Variants in PADI4 observed in about 807,000 individuals in gnomAD.
PADI4 encodes peptidyl arginine deiminase 4, also known as protein-arginine deiminase type-4.
PADI4 carries 62 observed loss-of-function variants against 75.0 expected under a neutral mutation model. That is an observed-to-expected ratio of 0.83 (90% CI 0.67 to 1.02). The LOEUF (loss-of-function observed/expected upper bound fraction) is 1.02, where lower values mean the gene tolerates loss of function less well. Among genes scored for constraint, PADI4 ranks in the 50% least tolerant of loss-of-function variants. The pLI is 0.00. For missense variants in PADI4, 845 were observed against 850.5 expected (o/e 0.99, Z 0.08); for synonymous variants, 361 against 348.1 (o/e 1.04, Z -0.41).
At chr1:17,359,198 G>A in intron 14 of PADI4, 82 bp from the exon 15 acceptor site, 2 of 1,016,212 alleles carry the variant, frequency 2.0e-6, no homozygotes, top group South Asian at 2.9e-5. Flanking sequence ...CTCCGGCAGG[G>A]GGCCTCAGCC....
chr1:17,336,522 C>T (rs890404600), intron 4 of PADI4, among the ~76,000 whole-genome samples: 1 of 152,110 alleles, frequency 6.6e-6, no homozygotes, highest in Non-Finnish European at 1.5e-5. Flanking sequence ...TCGACTCTGG[C>T]TCAAAAACTC....
chr1:17,359,514 G>C, intron 15 of PADI4, 106 bp downstream of exon 15: 3 of 1,462,610 alleles, frequency 2.1e-6, no homozygotes, highest in East Asian at 2.3e-5. Context: ...GCTCCTCTCT[G>C]TAACCGTTTG....
chr1:17,324,655 T>C (rs2074090275), intron 1 of PADI4, among the ~76,000 whole-genome samples: 1 of 152,102 alleles, frequency 6.6e-6, no homozygotes, highest in Non-Finnish European at 1.5e-5. Context: ...CTAGTTGAAT[T>C]TTTTGATCTT....
intron 10 of PADI4, among the ~76,000 whole-genome samples, chr1:17,352,040 A>T (rs2074654833): frequency 5.0e-5 from 4 of 80,432 alleles, no homozygotes; most frequent in Admixed American, 1.3e-4. Context: ...TGATGGGAGG[A>T]GAGGCAGTCA....
At chr1:17,337,105 T>C (rs2100722496) in intron 4 of PADI4, among the ~76,000 whole-genome samples, 1 of 152,326 alleles carries the variant, frequency 6.6e-6, no homozygotes, top group East Asian at 1.9e-4. Context: ...TTAGCTGCAT[T>C]TGGTTTGTCA....
At chr1:17,359,513 T>C (rs2100258450) in intron 15 of PADI4, 105 bp downstream of exon 15, 1 of 1,459,334 alleles carries the variant, frequency 6.9e-7, no homozygotes, top group East Asian at 2.3e-5. Flanking sequence ...GGCTCCTCTC[T>C]GTAACCGTTT....
intron 13 of PADI4, 40 bp from the exon 14 acceptor site, chr1:17,358,798 C>T (rs769853026): frequency 2.1e-6 from 3 of 1,412,522 alleles, no homozygotes; most frequent in Admixed American, 1.9e-5. Flanking sequence ...AAATCGACCT[C>T]TAAGTTCATT....
intron 13 of PADI4, 113 bp from the exon 14 acceptor site, chr1:17,358,725 T>C: frequency 1.4e-6 from 1 of 716,824 alleles, no homozygotes; most frequent in East Asian, 2.7e-5. Flanking sequence ...GTAAGAATTA[T>C]TACTGACTCC....
chr1:17,343,493 T>C (rs2074460396), intron 8 of PADI4, among the ~76,000 whole-genome samples: 1 of 152,176 alleles, frequency 6.6e-6, no homozygotes, highest in South Asian at 2.1e-4. Context: ...CCCAGCACTG[T>C]TCCAGGTGGT....
At chr1:17,309,633 A>T (rs1569962539) in intron 1 of PADI4, among the ~76,000 whole-genome samples, 1 of 152,318 alleles carries the variant, frequency 6.6e-6, no homozygotes, top group South Asian at 2.1e-4. Context: ...TCCCCATCCC[A>T]GTCTGGGCAT....
rs1157533026 is a variant in PADI4 at position 17,342,286 on chromosome 1, C to T, written c.832-13C>T. The T allele has an allele frequency of 4.5e-6, 7 of 1,569,678 alleles. No individual in the cohort carries two copies. The highest frequency in any genetic ancestry group is 5.3e-6 in the Non-Finnish European group (6 of 1,140,114). ...GTGACAGCCCCTCCTTCCCCTTACC[C>T]CCTCCCCTGCAGGAGCTCCCCGAGG... On this transcript the variant is annotated splice_polypyrimidine_tract_variant and intron_variant, in intron 7 of 15. Coordinates refer to ENST00000375448, the MANE Select transcript of PADI4 (RefSeq NM_012387.3).
rs1365665223 is a variant in PADI4, at chr1:17,359,856, T to C, written c.1758+448T>C. ...GGTCAGTGAACCAGTCCAAGGAGAG[T>C]GATGTGGACAAGGAGAGGGTCCTGG... On this transcript the variant is annotated intron_variant, in intron 15 of 15. Transcript: ENST00000375448. Among the ~76,000 whole-genome samples the C allele has an allele frequency of 2.0e-5, 3 of 151,752 alleles. No individual in the cohort carries two copies. The East Asian group carries it at 5.8e-4, about 29-fold the overall frequency.
At chr1:17,330,625 C>T (rs145373280) in intron 1 of PADI4, among the ~76,000 whole-genome samples, 10 of 152,164 alleles carry the variant, frequency 6.6e-5, no homozygotes, top group Admixed American at 2.0e-4. Context: ...GCAGGAGGAG[C>T]GGAAGGAAGC....
intron 4 of PADI4, among the ~76,000 whole-genome samples, chr1:17,336,501 G>A (rs530215642): frequency 5.9e-5 from 9 of 152,298 alleles, no homozygotes; most frequent in South Asian, 2.1e-4. Flanking sequence ...GAGGAAATTC[G>A]TGGGCAGGTC....
chr1:17,352,587 G>A (rs2074683855), intron 10 of PADI4, among the ~76,000 whole-genome samples: 3 of 152,144 alleles, frequency 2.0e-5, no homozygotes, highest in Admixed American at 6.5e-5. Flanking sequence ...GGAAGGCAGA[G>A]CCAGCAGGGC....
intron 1 of PADI4, among the ~76,000 whole-genome samples, chr1:17,319,118 A>G (rs970360116): frequency 6.6e-6 from 1 of 152,120 alleles, no homozygotes; most frequent in Non-Finnish European, 1.5e-5. Context: ...CAGTATACTA[A>G]CTTTTAAAAA....
intron 1 of PADI4, among the ~76,000 whole-genome samples, chr1:17,315,829 T>C (rs1304971333): frequency 1.3e-5 from 2 of 151,976 alleles, no homozygotes; most frequent in Admixed American, 1.3e-4. Flanking sequence ...GAGAAAATTC[T>C]GGGATCCTAC....
chr1:17,310,332 A>G (rs2073797716), intron 1 of PADI4, among the ~76,000 whole-genome samples: 1 of 152,062 alleles, frequency 6.6e-6, no homozygotes, highest in African/African-American at 2.4e-5. Flanking sequence ...AGGACCCTCC[A>G]TTCTCCCCAT....
At chr1:17,331,271 C>T (rs2074207269) in intron 2 of PADI4, 122 bp downstream of exon 2, 3 of 763,484 alleles carry the variant, frequency 3.9e-6, no homozygotes, top group Admixed American at 3.3e-5. Flanking sequence ...TGGAAGAGCT[C>T]GTGATGGCTT....
Sources: allele counts gnomAD v4.1 joint callset (sites outside exome capture counted in the v4.1 genomes callset), GRCh38; gene constraint gnomAD v4.1.1; transcripts MANE v1.5; gene names NCBI Gene and HGNC (gene_info 2026-07-23, HGNC 2026-07-21).